The following YY1 variants were observed in gnomAD, a reference collection of about 807,000 sequenced individuals.
YY1 encodes transcriptional repressor protein YY1.
YY1 carries 2 observed loss-of-function variants against 35.6 expected under a neutral mutation model. The observed-to-expected ratio is 0.06, with a 90% CI of 0.02 to 0.18. YY1 has a LOEUF of 0.18. Ranked by LOEUF, YY1 falls within the 10% of genes least tolerant of loss-of-function variation. YY1 has a pLI of 1.00. For synonymous variants in YY1, 268 were observed against 238.9 expected, an observed-to-expected ratio of 1.12 and a Z score of -1.12; for missense variants, 322 against 573.4, an observed-to-expected ratio of 0.56 and a Z score of 4.48.
Position 100,276,882 on chromosome 14 carries a change from C to T in YY1, c.1062+234C>T, listed in dbSNP as rs1891327410. 5.2e-6 allele frequency: 3 copies of T among 572,136 alleles called. No homozygotes were observed. Among genetic ancestry groups the T allele is most frequent in the Non-Finnish European group, 9.3e-6 (3 of 322,558 alleles). The allele number at this position is 572,136 out of a possible 1,614,324, so 35.4% of individuals were successfully genotyped here. ...GCAATGTATTGGTGTTGATGGAGTACACTTTATGGCAGGAGGAGAACAGGA... is the reference window on the plus strand; with the variant it reads ...GCAATGTATTGGTGTTGATGGAGTATACTTTATGGCAGGAGGAGAACAGGA... On this transcript the variant is annotated intron_variant, in intron 4 of 4. Coordinates refer to ENST00000262238, the MANE Select transcript of YY1 (RefSeq NM_003403.5). This position sits in a 1 kb window ranked among gnomAD's most constrained non-coding sequence, Gnocchi z 4.1.
In YY1 at chr14:100,258,212, A is replaced by G. The variant is rs79589156; in HGVS notation, c.680-4092A>G. ...CCAAAGTATTTCTGTACCCCGTGAAAGTTTTGATGTAGAAGTAGATGTGCC... is the reference window on the plus strand; with the variant it reads ...CCAAAGTATTTCTGTACCCCGTGAAGGTTTTGATGTAGAAGTAGATGTGCC... On this transcript the variant is annotated intron_variant, in intron 1 of 4. Coordinates refer to ENST00000262238, the MANE Select transcript of YY1 (RefSeq NM_003403.5). 3.8e-3 allele frequency among the ~76,000 whole-genome samples: 576 copies of G among 152,222 alleles called. 3 individuals carry two copies. Among genetic ancestry groups the G allele is most frequent in the African/African-American group, 0.013 (548 of 41,552 alleles).
At chr14:100,248,679 C>CTTTTTTTTTT (rs11415073) in intron 1 of YY1, among the ~76,000 whole-genome samples, 1 of 105,014 alleles carries the variant, frequency 9.5e-6, no homozygotes, top group Admixed American at 1.0e-4. Flanking sequence ...GAGTAAAATT[C>CTTTTTTTTTT]TTTTTTTTTT....
intron 1 of YY1, among the ~76,000 whole-genome samples, chr14:100,259,101 A>G (rs4905941): frequency 0.3 from 44,985 of 152,160 alleles, 6,845 homozygotes; most frequent in South Asian, 0.53. Context: ...TTATTTTACT[A>G]CTTTTGGTGA....
At chr14:100,247,823 C>T (rs1890855930) in intron 1 of YY1, among the ~76,000 whole-genome samples, 1 of 152,190 alleles carries the variant, frequency 6.6e-6, no homozygotes, top group Non-Finnish European at 1.5e-5. Flanking sequence ...CATATTTCCT[C>T]TCTAGAGGGG....
Position 100,277,925 on chromosome 14 carries a change from T to A in YY1, c.*325T>A, listed in dbSNP as rs1462728484. The A allele has an allele frequency of 3.5e-6, 1 of 288,792 alleles. No homozygotes were observed. The highest frequency in any genetic ancestry group is 8.4e-5 in the East Asian group (1 of 11,936). The allele number at this position is 288,792 out of a possible 1,614,324, so 17.9% of individuals were successfully genotyped here. On this transcript the variant is annotated 3_prime_UTR_variant, in exon 5 of 5. Coordinates refer to ENST00000262238, the MANE Select transcript of YY1 (RefSeq NM_003403.5). The surrounding 1 kb of genome is among the most constrained non-coding windows in gnomAD (Gnocchi z 5.6). Reference sequence around the variant, plus strand: ...ATACAACAGTGCTAAAAATGGGACTTCTTTTCACATTCTTATAAATATGAA... The same window carrying A: ...ATACAACAGTGCTAAAAATGGGACTACTTTTCACATTCTTATAAATATGAA...
At chr14:100,260,780 T>C (rs1434164423) in intron 1 of YY1, among the ~76,000 whole-genome samples, 12 of 21,946 alleles carry the variant, frequency 5.5e-4, no homozygotes, top group African/African-American at 2.0e-3. Context: ...CCTTTTTTTT[T>C]TTTTTTTTTT....
At chr14:100,252,432 C>T (rs1032236054) in intron 1 of YY1, among the ~76,000 whole-genome samples, 1 of 152,206 alleles carries the variant, frequency 6.6e-6, no homozygotes, top group Non-Finnish European at 1.5e-5. Context: ...AATTGTCCTT[C>T]CACATATATG....
chr14:100,253,405 A>G (rs910620599), intron 1 of YY1, among the ~76,000 whole-genome samples: 1 of 152,162 alleles, frequency 6.6e-6, no homozygotes, highest in African/African-American at 2.4e-5. Context: ...GAGGTTTGCC[A>G]TGTTAGCCAG....
At chr14:100,266,110 G>A (rs1161616048) in intron 2 of YY1, among the ~76,000 whole-genome samples, 1 of 152,116 alleles carries the variant, frequency 6.6e-6, no homozygotes, top group Non-Finnish European at 1.5e-5. Flanking sequence ...CTCAGATCTC[G>A]TGAGACTTAC....
chr14:100,277,000 A>C lies in YY1; in HGVS notation c.1062+352A>C, dbSNP rs886252687. On this transcript the variant is annotated intron_variant, in intron 4 of 4. Coordinates refer to ENST00000262238, the MANE Select transcript of YY1 (RefSeq NM_003403.5). The surrounding 1 kb of genome is among the most constrained non-coding windows in gnomAD (Gnocchi z 4.1). ...TAGTTAATAGTATAATTACTAACTGATAAAGTTTCTAGAGTGTAAGTATAG... is the reference window on the plus strand; with the variant it reads ...TAGTTAATAGTATAATTACTAACTGCTAAAGTTTCTAGAGTGTAAGTATAG... The C allele has an allele frequency of 7.3e-6, 3 of 410,508 alleles. No individual in the cohort carries two copies. In the East Asian group the frequency reaches 1.5e-4, roughly 21 times the overall value. 25.4% of individuals were successfully genotyped at this position (410,508 alleles called of 1,614,324 possible).
intron 2 of YY1, among the ~76,000 whole-genome samples, chr14:100,267,347 T>G (rs1000310572): frequency 2.0e-5 from 3 of 152,226 alleles, no homozygotes; most frequent in African/African-American, 7.2e-5. Flanking sequence ...AAATAATATT[T>G]GCATAATCAC....
At chr14:100,266,395 G>A (rs1050663657) in intron 2 of YY1, among the ~76,000 whole-genome samples, 5 of 152,164 alleles carry the variant, frequency 3.3e-5, no homozygotes, top group African/African-American at 1.2e-4. Flanking sequence ...GCGGAGGGCT[G>A]AAGGAAAGGT....
intron 2 of YY1, among the ~76,000 whole-genome samples, chr14:100,272,975 T>TC (rs1462184830): frequency 1.3e-5 from 2 of 150,752 alleles, no homozygotes; most frequent in Admixed American, 1.3e-4. Flanking sequence ...GTTTTTTTTT[T>TC]TTTGAGACGG....
intron 1 of YY1, among the ~76,000 whole-genome samples, chr14:100,256,155 C>A (rs75111095): frequency 8.9e-5 from 12 of 134,506 alleles, no homozygotes; most frequent in Non-Finnish European, 1.2e-4. Context: ...AAAAAAAAAA[C>A]ATCTATATGC....
chr14:100,242,905 C>T (rs772929847), intron 1 of YY1, among the ~76,000 whole-genome samples: 3 of 152,180 alleles, frequency 2.0e-5, no homozygotes, highest in Non-Finnish European at 2.9e-5. Context: ...TCCACCACCA[C>T]CCCTGGCTAT....
At chr14:100,255,180 C>G (rs1890987018) in intron 1 of YY1, among the ~76,000 whole-genome samples, 1 of 151,884 alleles carries the variant, frequency 6.6e-6, no homozygotes, top group African/African-American at 2.4e-5. Context: ...GTAGGAAACA[C>G]TGTTTTTTAA....
intron 1 of YY1, among the ~76,000 whole-genome samples, chr14:100,245,346 C>T (rs1225112126): frequency 1.3e-5 from 2 of 152,088 alleles, no homozygotes; most frequent in African/African-American, 2.4e-5. Flanking sequence ...GGGGTCTTGC[C>T]TTGTTGCCTA....
chr14:100,244,676 G>A (rs1325322557), intron 1 of YY1, among the ~76,000 whole-genome samples: 4 of 147,218 alleles, frequency 2.7e-5, no homozygotes, highest in Non-Finnish European at 4.5e-5. Flanking sequence ...TCAACCTCCC[G>A]GGCTGAAGCG....
intron 1 of YY1, among the ~76,000 whole-genome samples, chr14:100,256,257 C>T (rs1049302530): frequency 6.6e-6 from 1 of 152,062 alleles, no homozygotes; most frequent in African/African-American, 2.4e-5. Context: ...TGAGGTCTGC[C>T]CATTAGATTT....
Sources: gnomAD v4.1 joint callset for allele counts (sites outside exome capture counted in the v4.1 genomes callset) on GRCh38, gnomAD v4.1.1 for gene constraint, Gnocchi (gnomAD v3.1) non-coding constraint, MANE v1.5 for transcripts, NCBI Gene and HGNC (gene_info 2026-07-23, HGNC 2026-07-21) for gene names.